Variants in ZNF92 observed in about 807,000 individuals in gnomAD.
The protein encoded by ZNF92 is zinc finger protein 92, also known as epididymis luminal protein 203.
ZNF92 carries 11 observed loss-of-function variants against 12.4 expected under a neutral mutation model. That is an observed-to-expected ratio of 0.89 (90% CI 0.56 to 1.47). The LOEUF is 1.47. Ranked by LOEUF, ZNF92 falls within the 40% of genes most tolerant of loss-of-function variation. ZNF92 has a pLI of 0.00. For missense variants in ZNF92, 622 were observed against 681.0 expected (o/e 0.91, Z 0.96); for synonymous variants, 206 against 228.6 (o/e 0.90, Z 0.89).
At chr7:65,390,483 G>A (rs748435732) in intron 3 of ZNF92, among the ~76,000 whole-genome samples, 4 of 152,104 alleles carry the variant, frequency 2.6e-5, no homozygotes, top group Non-Finnish European at 5.9e-5. Context: ...GTAGTGGAGA[G>A]GGGTGTAGCT....
At chr7:65,380,155 C>T (rs1306284062) in intron 1 of ZNF92, among the ~76,000 whole-genome samples, 2 of 152,148 alleles carry the variant, frequency 1.3e-5, no homozygotes, top group African/African-American at 4.8e-5. Flanking sequence ...GGATAATGGT[C>T]TCCAGCTCCA....
In ZNF92 at chr7:65,398,653, A is replaced by C; in HGVS notation, c.539A>C (p.Lys180Thr). 9 of 1,612,224 alleles carry C rather than the reference A, an allele frequency of 5.6e-6. No homozygotes were observed. Among genetic ancestry groups the C allele is most frequent in the Non-Finnish European group, 7.6e-6 (9 of 1,179,404 alleles). Reference protein sequence around the residue: ...KKPFKCKNRGKSFCMLSQLTQ... With the variant: ...KKPFKCKNRGTSFCMLSQLTQ... The stretch of plus-strand genomic sequence containing the variant: ...CCTTTCAAATGTAAAAACCGTGGCA[A>C]ATCATTTTGCATGCTTTCACAATTA... The change falls in exon 4 of 4, where the codon AAA becomes ACA. Residue 180 changes from lysine to threonine, a missense_variant. Transcript: ENST00000328747.
chr7:65,394,810 A>C (rs959363135), intron 3 of ZNF92, among the ~76,000 whole-genome samples: 3 of 151,546 alleles, frequency 2.0e-5, no homozygotes, highest in African/African-American at 7.3e-5. Flanking sequence ...CGCCCAGCTA[A>C]TTTTTTTGTA....
At chr7:65,376,455 G>T (rs1039081826) in intron 1 of ZNF92, among the ~76,000 whole-genome samples, 5 of 151,502 alleles carry the variant, frequency 3.3e-5, no homozygotes, top group Admixed American at 2.0e-4. Context: ...ACTTGTTTTT[G>T]TTGTTTCTTG....
intron 2 of ZNF92, among the ~76,000 whole-genome samples, chr7:65,388,499 C>T (rs1029513152): frequency 4.6e-5 from 7 of 151,778 alleles, no homozygotes; most frequent in Non-Finnish European, 7.4e-5. Flanking sequence ...ATTAGCCAGG[C>T]GTGTTGGTGG....
chr7:65,392,696 C>G (rs891523634), intron 3 of ZNF92, among the ~76,000 whole-genome samples: 1 of 151,862 alleles, frequency 6.6e-6, no homozygotes, highest in African/African-American at 2.4e-5. Context: ...GCTACCATGC[C>G]TGGCTAATTT....
intron 1 of ZNF92, among the ~76,000 whole-genome samples, chr7:65,375,645 C>G (rs965527052): frequency 6.6e-6 from 1 of 151,568 alleles, no homozygotes; most frequent in Non-Finnish European, 1.5e-5. Context: ...ACCTGGAGAT[C>G]GAGACCATCC....
chr7:65,387,088 C>T (rs764008823), intron 1 of ZNF92, among the ~76,000 whole-genome samples: 9 of 151,566 alleles, frequency 5.9e-5, no homozygotes, highest in South Asian at 4.2e-4. Flanking sequence ...TACAGGCACG[C>T]GCCACCATGC....
At chr7:65,388,775 A>T (rs754642355) in intron 2 of ZNF92, 31 bp from the exon 3 acceptor site, 13 of 1,539,274 alleles carry the variant, frequency 8.4e-6, no homozygotes, top group Non-Finnish European at 1.1e-5. Flanking sequence ...AATATGAGCA[A>T]GATTTATGTT....
intron 1 of ZNF92, among the ~76,000 whole-genome samples, chr7:65,375,489 C>T (rs7799794): frequency 6.6e-6 from 1 of 151,952 alleles, no homozygotes; most frequent in African/African-American, 2.4e-5. Flanking sequence ...TTCACTCAAC[C>T]CAGCTTTCAT....
At chr7:65,396,882 C>CT (rs747064873) in intron 3 of ZNF92, among the ~76,000 whole-genome samples, 4 of 151,794 alleles carry the variant, frequency 2.6e-5, no homozygotes, top group Non-Finnish European at 4.4e-5. Flanking sequence ...TTTGGAAAAT[C>CT]TATTTTTTTC....
chr7:65,399,609 CAT>C lies in ZNF92; in HGVS notation c.1497_1498del (p.His499GlnfsTer6), dbSNP rs1562800027. 1.9e-6 allele frequency: 3 copies of C among 1,613,698 alleles called. No homozygotes were observed. Among genetic ancestry groups the C allele is most frequent in the Middle Eastern group, 1.7e-4 (1 of 6,058 alleles). On this transcript the variant is annotated frameshift_variant, in exon 4 of 4. Coordinates refer to ENST00000328747, the MANE Select transcript of ZNF92 (RefSeq NM_152626.4). LOFTEE classifies it low-confidence loss of function (END_TRUNC). ...AFNQSSIFTKHKIIHTEGKSY... is the reference protein window; with the variant it reads ...AFNQSSIFTKXKIIHTEGKSY... ...TAACCAGTCCTCAATTTTTACTAAA[CAT>C]AAGATAATTCACACTGAAGGGAAAT...
chr7:65,379,002 T>C (rs1311034782), intron 1 of ZNF92, among the ~76,000 whole-genome samples: 1 of 152,130 alleles, frequency 6.6e-6, no homozygotes, highest in African/African-American at 2.4e-5. Flanking sequence ...TTTTTTGTCC[T>C]ATACATTTTT....
At chr7:65,389,318 C>A (rs1032127719) in intron 3 of ZNF92, among the ~76,000 whole-genome samples, 1 of 151,894 alleles carries the variant, frequency 6.6e-6, no homozygotes, top group Admixed American at 6.6e-5. Context: ...TCTGGGAAGC[C>A]TGAAACTTTT....
intron 1 of ZNF92, among the ~76,000 whole-genome samples, chr7:65,386,338 C>T (rs560737576): frequency 1.5e-4 from 23 of 152,174 alleles, no homozygotes; most frequent in Non-Finnish European, 2.9e-4. Context: ...TTCCTATATA[C>T]TGGAGCCTTC....
intron 1 of ZNF92, among the ~76,000 whole-genome samples, chr7:65,386,985 G>A (rs1793585168): frequency 6.7e-6 from 1 of 148,412 alleles, no homozygotes; most frequent in African/African-American, 2.5e-5. Flanking sequence ...CGTTCCCCAG[G>A]CTAGAGTGCA....
chr7:65,396,848 A>G (rs950876932), intron 3 of ZNF92, among the ~76,000 whole-genome samples: 13 of 152,124 alleles, frequency 8.5e-5, no homozygotes, highest in Non-Finnish European at 2.9e-5. Flanking sequence ...TGTGCAAGGG[A>G]TAATAAACAC....
intron 1 of ZNF92, among the ~76,000 whole-genome samples, chr7:65,383,212 T>C (rs13235646): frequency 0.023 from 3,575 of 152,238 alleles, 66 homozygotes; most frequent in Middle Eastern, 0.051. Context: ...CCAAGTGAAC[T>C]GTCTACTTAC....
Position 65,399,833 on chromosome 7 carries a change from T to G in ZNF92, c.1719T>G (p.Phe573Leu). ...GCAAACATGAATGTGGCAGAGCCTT[T>G]AACAAATCCTCAAATTATACTAAAG... ...KPCKHECGRA[F>L]NKSSNYTKEK... The change falls in exon 4 of 4, where the codon TTT becomes TTG. Residue 573 changes from phenylalanine (F) to leucine (L), a missense_variant. Coordinates refer to ENST00000328747, the MANE Select transcript of ZNF92 (RefSeq NM_152626.4). The G allele has an allele frequency of 6.3e-7, 1 of 1,598,092 alleles. No homozygotes were observed. Among genetic ancestry groups the G allele is most frequent in the Non-Finnish European group, 8.5e-7 (1 of 1,173,628 alleles).
Sources: allele counts gnomAD v4.1 joint callset (sites outside exome capture counted in the v4.1 genomes callset), GRCh38; gene constraint gnomAD v4.1.1; transcripts MANE v1.5; gene names NCBI Gene and HGNC (gene_info 2026-07-23, HGNC 2026-07-21).